The following RGS7 variants were observed in gnomAD, a reference collection of about 807,000 sequenced individuals.
RGS7 encodes regulator of G-protein signaling 7.
In RGS7, 27 loss-of-function variants were observed where a neutral mutation model predicts 81.1. The ratio of observed to expected loss-of-function variants is 0.33; its 90% CI spans 0.25 to 0.46. RGS7 has a LOEUF of 0.46. Ranked by LOEUF, RGS7 falls within the 20% of genes least tolerant of loss-of-function variation. The pLI, the probability that RGS7 is intolerant of heterozygous loss-of-function variation, is 1.00. For synonymous variants in RGS7, 208 were observed against 207.7 expected, an observed-to-expected ratio of 1.00 and a Z score of -0.01; for missense variants, 396 against 607.4, an observed-to-expected ratio of 0.65 and a Z score of 3.66.
chr1:241,292,941 C>T (rs2079170476), intron 2 of RGS7, among the ~76,000 whole-genome samples: 1 of 152,304 alleles, frequency 6.6e-6, no homozygotes. Context: ...CAGATGTTCA[C>T]TCATGTTCTC....
intron 3 of RGS7, among the ~76,000 whole-genome samples, chr1:241,095,232 A>G (rs1255404788): frequency 4.6e-5 from 7 of 152,202 alleles, no homozygotes; most frequent in African/African-American, 7.2e-5. Flanking sequence ...CTTAAACTTT[A>G]GTGCACAAAT....
intron 3 of RGS7, among the ~76,000 whole-genome samples, chr1:241,089,133 G>A (rs1459033204): frequency 7.4e-6 from 1 of 134,568 alleles, no homozygotes; most frequent in Non-Finnish European, 1.6e-5. Flanking sequence ...TCTCAACTGG[G>A]CATAGGGGAA....
chr1:241,162,230 A>G (rs1324657800), intron 2 of RGS7, among the ~76,000 whole-genome samples: 2 of 82,318 alleles, frequency 2.4e-5, no homozygotes, highest in African/African-American at 5.2e-5. Context: ...CAGCTTCCAA[A>G]TAAGATCTCA....
intron 2 of RGS7, among the ~76,000 whole-genome samples, chr1:241,346,211 C>A (rs2082886992): frequency 6.6e-6 from 1 of 151,666 alleles, no homozygotes; most frequent in Non-Finnish European, 1.5e-5. Flanking sequence ...AACCAGAAAA[C>A]CAAAAATAAA....
intron 18 of RGS7, among the ~76,000 whole-genome samples, chr1:240,780,862 C>T (rs1013727219): frequency 1.4e-5 from 2 of 145,634 alleles, no homozygotes; most frequent in Admixed American, 7.1e-5. Context: ...TGCAGTGAGT[C>T]GAGATCGCAC....
At position 241,017,379 on chromosome 1, in the gene RGS7, G is replaced by T. The variant is rs191377916; in HGVS notation, c.176-34250C>A. 3.7e-4 allele frequency among the ~76,000 whole-genome samples: 54 copies of T among 146,496 alleles called. 1 individual carries two copies. Among genetic ancestry groups the T allele is most frequent in the Middle Eastern group, 3.6e-3 (1 of 274 alleles). On this transcript the variant is annotated intron_variant, in intron 3 of 18. Transcript: ENST00000440928. ...TTGCTTGAACTCAGGAGGTGGAGTT[G>T]CAGTGAGACAAGATCACACCACTGC...
At chr1:241,124,983 C>G (rs1214399469) in intron 2 of RGS7, among the ~76,000 whole-genome samples, 1 of 152,192 alleles carries the variant, frequency 6.6e-6, no homozygotes, top group Non-Finnish European at 1.5e-5. Context: ...CCTCCCAAGA[C>G]ATTAGGCAGA....
At chr1:240,808,089 G>C (rs1572182321) in intron 14 of RGS7, among the ~76,000 whole-genome samples, 1 of 150,428 alleles carries the variant, frequency 6.6e-6, no homozygotes, top group Non-Finnish European at 1.5e-5. Flanking sequence ...GAGCAGAAGT[G>C]TTGAAATTAA....
At chr1:240,979,378 A>G (rs373916102) in intron 4 of RGS7, among the ~76,000 whole-genome samples, 4 of 152,234 alleles carry the variant, frequency 2.6e-5, no homozygotes, top group Non-Finnish European at 4.4e-5. Flanking sequence ...AAATAAGCTT[A>G]GTAAGAAAAG....
intron 10 of RGS7, among the ~76,000 whole-genome samples, chr1:240,817,196 GT>G (rs1690959631): frequency 6.6e-6 from 1 of 152,198 alleles, no homozygotes; most frequent in Admixed American, 6.5e-5. Context: ...CATCTCACGT[GT>G]CAACTCAAGG....
At chr1:241,088,607 C>A (rs1045687850) in intron 3 of RGS7, among the ~76,000 whole-genome samples, 8 of 152,082 alleles carry the variant, frequency 5.3e-5, no homozygotes, top group Non-Finnish European at 1.0e-4. Flanking sequence ...CTAAATTAAT[C>A]CTCCATTTTG....
chr1:241,265,785 C>A (rs1476876957), intron 2 of RGS7, among the ~76,000 whole-genome samples: 3 of 129,054 alleles, frequency 2.3e-5, no homozygotes, highest in East Asian at 2.2e-4. Flanking sequence ...TTTTCCTCGT[C>A]CTTTTTTTTT....
chr1:241,328,831 G>A (rs1376860895), intron 2 of RGS7, among the ~76,000 whole-genome samples: 1 of 152,120 alleles, frequency 6.6e-6, no homozygotes, highest in Non-Finnish European at 1.5e-5. Context: ...ATCTACAGTG[G>A]GGTCATTTCA....
chr1:240,869,229 T>C (rs1046158223), intron 7 of RGS7, among the ~76,000 whole-genome samples: 1 of 152,176 alleles, frequency 6.6e-6, no homozygotes, highest in Admixed American at 6.5e-5. Flanking sequence ...CTACTACGCA[T>C]GCAATCAGCC....
chr1:240,997,578 A>C (rs1415552013), intron 3 of RGS7, among the ~76,000 whole-genome samples: 1 of 152,184 alleles, frequency 6.6e-6, no homozygotes, highest in Non-Finnish European at 1.5e-5. Flanking sequence ...TAATCTCAGC[A>C]CTTTGGGGGA....
At chr1:241,195,401 G>A (rs143036814) in intron 2 of RGS7, among the ~76,000 whole-genome samples, 3,875 of 152,116 alleles carry the variant, frequency 0.025, 157 homozygotes, top group African/African-American at 0.087. Context: ...ACTCGAACCC[G>A]GGAGGCAGAG....
intron 2 of RGS7, among the ~76,000 whole-genome samples, chr1:241,149,555 G>C (rs2068598578): frequency 6.6e-6 from 1 of 152,080 alleles, no homozygotes; most frequent in Non-Finnish European, 1.5e-5. Context: ...CTGCTCTCCA[G>C]AGTAAGTTCT....
At chr1:240,919,785 A>G (rs1280488465) in intron 6 of RGS7, 1 of 713,536 alleles carries the variant, frequency 1.4e-6, no homozygotes, top group African/African-American at 1.7e-5. Flanking sequence ...CTGTGTGGTA[A>G]TGAGAGATTC....
intron 4 of RGS7, among the ~76,000 whole-genome samples, chr1:240,960,370 A>G (rs1274414981): frequency 2.0e-5 from 3 of 150,124 alleles, no homozygotes. Flanking sequence ...CAGCCTCCCA[A>G]GTAGCTGGGT....
Sources: gnomAD v4.1 joint callset for allele counts (sites outside exome capture counted in the v4.1 genomes callset) on GRCh38, gnomAD v4.1.1 for gene constraint, MANE v1.5 for transcripts, NCBI Gene and HGNC (gene_info 2026-07-23, HGNC 2026-07-21) for gene names.